Variants in LY6K observed in about 807,000 individuals in gnomAD.
LY6K encodes the protein lymphocyte antigen 6 family member K, also known as lymphocyte antigen 6K.
In LY6K, 9 loss-of-function variants were observed where a neutral mutation model predicts 10.4. The observed-to-expected ratio is 0.87, with a 90% CI of 0.52 to 1.52. The LOEUF (loss-of-function observed/expected upper bound fraction) is 1.52, where lower values mean the gene tolerates loss of function less well. Among genes scored for constraint, LY6K ranks in the 40% most tolerant of loss-of-function variants. The pLI, the probability that LY6K is intolerant of heterozygous loss-of-function variation, is 0.00. For synonymous variants in LY6K, 98 were observed against 83.7 expected (o/e 1.17, Z -0.94); for missense variants, 217 against 211.7 (o/e 1.02, Z -0.15).
At chr8:142,702,814 A>ACTC (rs782179179) in intron 2 of LY6K, 61 of 1,499,116 alleles carry the variant, frequency 4.1e-5, no homozygotes, top group Non-Finnish European at 5.2e-5. Flanking sequence ...CCTGTGTTTG[A>ACTC]GAAGTTGAGA....
chr8:142,701,134 G>A (rs1411743451), intron 1 of LY6K, among the ~76,000 whole-genome samples: 1 of 152,234 alleles, frequency 6.6e-6, no homozygotes, highest in Non-Finnish European at 1.5e-5. Context: ...GGGCCCGTGG[G>A]TGCCGCGTGG....
In LY6K at chr8:142,704,602, T is replaced by A. The variant is rs1554640677; in HGVS notation, c.*1231T>A. 1 of 152,208 alleles carries A rather than the reference T, an allele frequency of 6.6e-6. No homozygotes were observed. The highest frequency in any genetic ancestry group is 1.5e-5 in the Non-Finnish European group (1 of 68,036). The allele number at this position is 152,208 out of a possible 1,614,324, so 9.4% of individuals were successfully genotyped here. On this transcript the variant is annotated 3_prime_UTR_variant, in exon 3 of 3. Coordinates refer to ENST00000292430, the MANE Select transcript of LY6K (RefSeq NM_017527.4). Reference sequence around the variant, plus strand: ...CACTCTCATAATAAGATGTTACTGTTCTTTGGCCCTCCAGAAAGTCAATAA... The same window carrying A: ...CACTCTCATAATAAGATGTTACTGTACTTTGGCCCTCCAGAAAGTCAATAA...
chr8:142,701,535 C>T, intron 1 of LY6K, 65 bp from the exon 2 acceptor site: 1 of 1,080,304 alleles, frequency 9.3e-7, no homozygotes, highest in Non-Finnish European at 1.4e-6. Flanking sequence ...CGGATGCCGG[C>T]TGTGTTCATC....
rs1320884819 is a variant in LY6K at position 142,704,976 on chromosome 8, A to C, written c.*1605A>C. ...CCTTGGGATACCTACAGCGTTGGCT[A>C]TTGTTTCTGCTGCTATTAATCAGTC... is the stretch of plus-strand genomic sequence containing the variant. On this transcript the variant is annotated 3_prime_UTR_variant, in exon 3 of 3. Transcript: ENST00000292430. 6.6e-6 allele frequency: 1 copy of C among 152,184 alleles called. No homozygotes were observed. Among genetic ancestry groups the C allele is most frequent in the East Asian group, 1.9e-4 (1 of 5,196 alleles). The allele number at this position is 152,184 out of a possible 1,614,324, so 9.4% of individuals were successfully genotyped here. A position where few individuals can be genotyped will look rare whatever the true frequency, so the allele number is the denominator to read the frequency against.
intron 1 of LY6K, 124 bp from the exon 2 acceptor site, chr8:142,701,476 G>A: frequency 4.5e-6 from 3 of 674,116 alleles, no homozygotes; most frequent in South Asian, 1.7e-5. Context: ...TGTGGCCCCA[G>A]CCACTGCTCA....
chr8:142,701,899 T>G, intron 2 of LY6K, 186 bp downstream of exon 2: 1 of 519,398 alleles, frequency 1.9e-6, no homozygotes, highest in East Asian at 3.4e-5. Context: ...CAACCTCGCC[T>G]TCCGGGTTCA....
intron 2 of LY6K, chr8:142,702,638 C>A (rs2129934068): frequency 6.5e-7 from 1 of 1,532,344 alleles, no homozygotes; most frequent in East Asian, 2.5e-5. Context: ...CTTAATATGG[C>A]AAAATGATTT....
rs782595042 is a variant in LY6K at position 142,700,512 on chromosome 8, G to A, written c.-16G>A. On this transcript the variant is annotated 5_prime_UTR_variant, in exon 1 of 3. The change creates a premature stop within an existing upstream ORF in the 5' untranslated region. Transcript: ENST00000292430. Reference sequence around the variant, plus strand: ...GGGCGCCGCGCGCTGACCCTCCCTGGGCACCGCTGGGGACGATGGCGCTGC... The same window carrying A: ...GGGCGCCGCGCGCTGACCCTCCCTGAGCACCGCTGGGGACGATGGCGCTGC... 32 of 1,567,252 alleles carry A rather than the reference G, an allele frequency of 2.0e-5. No homozygotes were observed. The Admixed American group carries it at 3.5e-4, about 17-fold the overall frequency.
At chr8:142,700,949 C>T (rs894968660) in intron 1 of LY6K, among the ~76,000 whole-genome samples, 3 of 150,776 alleles carry the variant, frequency 2.0e-5, no homozygotes, top group African/African-American at 7.3e-5. Context: ...GGAGGAGGGC[C>T]GGCTCCTCCT....
intron 2 of LY6K, 118 bp downstream of exon 2, chr8:142,701,831 T>A (rs1413764801): frequency 1.9e-5 from 13 of 686,936 alleles, no homozygotes; most frequent in East Asian, 8.2e-5. Context: ...CCTTTTTTTT[T>A]TTTTATTTTC....
chr8:142,703,128 C>T lies in LY6K; in HGVS notation c.255C>T (p.Cys85=). 6.2e-7 allele frequency: 1 copy of T among 1,614,210 alleles called. No individual in the cohort carries two copies. Among genetic ancestry groups the T allele is most frequent in the Non-Finnish European group, 8.5e-7 (1 of 1,180,020 alleles). ...GTTTTTTCATGGTTGCGAAGCAGTGCTCCGCTGGTTGTGCAGCGATGGAGA... is the reference window on the plus strand; with the variant it reads ...GTTTTTTCATGGTTGCGAAGCAGTGTTCCGCTGGTTGTGCAGCGATGGAGA... ...FPRFFMVAKQ[C]SAGCAAMERP... is the part of the protein sequence containing the mutation. Residue 85 remains cysteine (C), a synonymous_variant, in exon 3 of 3, where the codon TGC becomes TGT. Transcript: ENST00000292430.
intron 2 of LY6K, 132 bp downstream of exon 2, chr8:142,701,845 G>C: frequency 3.1e-6 from 2 of 635,002 alleles, no homozygotes; most frequent in South Asian, 3.7e-5. Context: ...TATTTTCTGA[G>C]ACGGAGTCAG....
At position 142,700,441 on chromosome 8, in the gene LY6K, G is replaced by A. The variant is rs1287010321; in HGVS notation, c.-87G>A. 1 of 1,466,502 alleles carries A rather than the reference G, an allele frequency of 6.8e-7. No individual in the cohort carries two copies. Among genetic ancestry groups the A allele is most frequent in the Admixed American group, 2.4e-5 (1 of 41,398 alleles). 90.8% of individuals were successfully genotyped at this position (1,466,502 alleles called of 1,614,324 possible). ...GGGCTCCCCCTACCGGCCAGACCCG[G>A]GGAGAGGCGCGCGGAGGCTGCGAAG... On this transcript the variant is annotated 5_prime_UTR_variant, in exon 1 of 3. Coordinates refer to ENST00000292430, the MANE Select transcript of LY6K (RefSeq NM_017527.4).
intron 2 of LY6K, 183 bp from the exon 3 acceptor site, chr8:142,702,908 C>T (rs1428658162): frequency 1.1e-5 from 17 of 1,550,088 alleles, no homozygotes; most frequent in Non-Finnish European, 1.5e-5. Context: ...CCAGCCCTTC[C>T]CTGAAGCAGC....
intron 2 of LY6K, chr8:142,702,218 TG>T (rs1394588969): frequency 2.2e-5 from 11 of 490,498 alleles, no homozygotes; most frequent in Non-Finnish European, 4.1e-5. Flanking sequence ...GATGAAATAC[TG>T]GGAGGTAGGA....
In LY6K at chr8:142,701,652, C is replaced by T. The variant is rs986610034; in HGVS notation, c.156C>T (p.Phe52=). 8.1e-6 allele frequency: 13 copies of T among 1,614,034 alleles called. No individual in the cohort carries two copies. The highest frequency in any genetic ancestry group is 4.4e-5 in the South Asian group (4 of 91,066). The change falls in exon 2 of 3, where the codon TTC becomes TTT. Residue 52 remains phenylalanine (F), a synonymous_variant. Transcript: ENST00000292430. The part of the protein sequence containing the change: ...WCHVCERENT[F]ECQNPRRCKW... Reference sequence around the variant, plus strand: ...ATGTTTGTGAGAGAGAAAACACTTTCGAGTGCCAGAACCCAAGGAGGTGCA... The same window carrying T: ...ATGTTTGTGAGAGAGAAAACACTTTTGAGTGCCAGAACCCAAGGAGGTGCA...
rs1554640472 is a variant in LY6K, at chr8:142,703,247, G to A, written c.374G>A (p.Gly125Glu). 1 of 1,613,988 alleles carries A rather than the reference G, an allele frequency of 6.2e-7. No individual in the cohort carries two copies. The highest frequency in any genetic ancestry group is 1.3e-5 in the African/African-American group (1 of 74,884). Reference protein sequence around the residue: ...CCKIRYCNLEGPPINSSVFKE... With the variant: ...CCKIRYCNLEEPPINSSVFKE... Reference sequence around the variant, plus strand: ...AAAATTCGCTACTGCAATTTAGAGGGGCCACCTATCAACTCATCAGTGTTC... The same window carrying A: ...AAAATTCGCTACTGCAATTTAGAGGAGCCACCTATCAACTCATCAGTGTTC... Residue 125 changes from glycine to glutamate, a missense_variant, in exon 3 of 3, where the codon GGG (glycine) becomes GAG (glutamate). Coordinates refer to ENST00000292430, the MANE Select transcript of LY6K (RefSeq NM_017527.4).
Position 142,703,454 on chromosome 8 carries a change from C to T in LY6K, c.*83C>T. The T allele has an allele frequency of 6.0e-6, 9 of 1,492,626 alleles. No homozygotes were observed. The highest frequency in any genetic ancestry group is 8.0e-6 in the Non-Finnish European group (9 of 1,119,986). 92.5% of individuals were successfully genotyped at this position (1,492,626 alleles called of 1,614,324 possible). On this transcript the variant is annotated 3_prime_UTR_variant, in exon 3 of 3. Coordinates refer to ENST00000292430, the MANE Select transcript of LY6K (RefSeq NM_017527.4). ...TCACCTGTTGCATTAAACTTGTTTT[C>T]TGTTGATTACCTCTTGGTTTGACTT...
At chr8:142,702,777 T>A in intron 2 of LY6K, 1 of 1,486,132 alleles carries the variant, frequency 6.7e-7, no homozygotes, top group South Asian at 1.3e-5. Flanking sequence ...CATGTGTCTG[T>A]CTGTGGTCAC....
Sources: gnomAD v4.1 joint callset for allele counts (sites outside exome capture counted in the v4.1 genomes callset) on GRCh38, gnomAD v4.1.1 for gene constraint, MANE v1.5 for transcripts, NCBI Gene and HGNC (gene_info 2026-07-23, HGNC 2026-07-21) for gene names.